The following TTN variants were observed in gnomAD, a reference collection of about 807,000 sequenced individuals.
TTN encodes the protein connectin.
In TTN, 1,525 loss-of-function variants were observed where a neutral mutation model predicts 3,223.0. The observed-to-expected ratio is 0.47, with a 90% confidence interval of 0.45 to 0.49. The LOEUF (loss-of-function observed/expected upper bound fraction) is 0.49. Among genes scored for constraint, TTN ranks in the 20% least tolerant of loss-of-function variants. TTN has a pLI of 0.00. For synonymous variants in TTN, 14,094 were observed against 15,161.0 expected, an observed-to-expected ratio of 0.93 and a Z score of 5.17; for missense variants, 40,786 against 43,424.0, an observed-to-expected ratio of 0.94 and a Z score of 5.40.
At chr2:178,762,972 G>A (rs2089601419) in intron 43 of TTN, among the ~76,000 whole-genome samples, 1 of 152,076 alleles carries the variant, frequency 6.6e-6, no homozygotes, top group South Asian at 2.1e-4. Flanking sequence ...GAAATAATTG[G>A]GTCAGAAGAC....
At chr2:178,664,788 T>C in intron 166 of TTN, 51 bp from the exon 167 acceptor site, 1 of 1,610,226 alleles carries the variant, frequency 6.2e-7, no homozygotes, top group Non-Finnish European at 8.5e-7. Context: ...TAACTAGGAA[T>C]AGCAAAAATA....
chr2:178,722,630 A>C (rs1408470700), intron 76 of TTN, 29 bp downstream of exon 76: 21 of 1,592,874 alleles, frequency 1.3e-5, no homozygotes, highest in Non-Finnish European at 1.8e-5. Context: ...AGGAAAAAAG[A>C]ATTTTTTTAA....
chr2:178,766,357 A>G, intron 41 of TTN, 24 bp downstream of exon 41: 1 of 1,553,964 alleles, frequency 6.4e-7, no homozygotes, highest in Non-Finnish European at 8.9e-7. Context: ...TCCACAAAAT[A>G]TGCTGAAATC....
chr2:178,696,127 T>G lies in TTN; in HGVS notation c.30945A>C (p.Glu10315Asp). ...GTTCGTCATAAGGTTCTTCGAAAGATTCAATGAAGACTCTCTTCTCCTTGT... is the reference window on the plus strand; with the variant it reads ...GTTCGTCATAAGGTTCTTCGAAAGAGTCAATGAAGACTCTCTTCTCCTTGT... ...AVHKEKRVFI[E>D]SFEEPYDELE... The change falls in exon 114 of 363, where the codon GAA becomes GAC. Residue 10315 changes from glutamate (E) to aspartate (D), a missense_variant. By Grantham distance (45) the Glu-to-Asp change is conservative. Coordinates refer to ENST00000589042, the MANE Select transcript of TTN (RefSeq NM_001267550.2). The G allele has an allele frequency of 2.6e-6, 4 of 1,552,246 alleles. No homozygotes were observed. Among genetic ancestry groups the G allele is most frequent in the South Asian group, 1.2e-5 (1 of 84,182 alleles).
intron 131 of TTN, 122 bp downstream of exon 131, chr2:178,684,544 T>C: frequency 7.4e-7 from 1 of 1,342,326 alleles, no homozygotes; most frequent in Non-Finnish European, 1.0e-6. Context: ...CAAGTAATAC[T>C]CTACCCAAAG....
In TTN at chr2:178,582,339, G is replaced by C; in HGVS notation, c.66117C>G (p.Gly22039=). The C allele has an allele frequency of 6.2e-7, 1 of 1,607,214 alleles. No homozygotes were observed. Among genetic ancestry groups the C allele is most frequent in the Non-Finnish European group, 8.5e-7 (1 of 1,176,190 alleles). ...RICAENKYGV[G]DPVFTEPAIA... ...TTGCTGGTTCAGTGAAGACTGGATC[G>C]CCTACTCCATATTTATTTTCAGCAC... The change falls in exon 314 of 363, where the codon GGC becomes GGG. Residue 22039 remains glycine (G), a synonymous_variant. Transcript: ENST00000589042.
In TTN at chr2:178,657,545, T is replaced by C. The variant is rs748525107; in HGVS notation, c.37991A>G (p.Lys12664Arg). 3.8e-6 allele frequency: 6 copies of C among 1,580,224 alleles called. No homozygotes were observed. The South Asian group carries it at 7.0e-5, about 19-fold the overall frequency. Residue 12664 changes from lysine to arginine, a missense_variant, in exon 189 of 363, where the codon AAA becomes AGA. Lys to Arg is a conservative substitution (Grantham distance 26). Coordinates refer to ENST00000589042, the MANE Select transcript of TTN (RefSeq NM_001267550.2). Reference protein sequence around the residue: ...EAPKEVVLEKKVPSTPPKKPE... With the variant: ...EAPKEVVLEKRVPSTPPKKPE... ...CTTTTTAGGAGGAGTCGAGGGCACTTTCTTTTCAAGGACAACTTCTTTGGG... is the reference window on the plus strand; with the variant it reads ...CTTTTTAGGAGGAGTCGAGGGCACTCTCTTTTCAAGGACAACTTCTTTGGG...
chr2:178,594,487 T>A lies in TTN; in HGVS notation c.58007A>T (p.Asn19336Ile), dbSNP rs371851242. 5.8e-5 allele frequency: 94 copies of A among 1,613,274 alleles called. No homozygotes were observed. Among genetic ancestry groups the A allele is most frequent in the Admixed American group, 1.3e-4 (8 of 59,942 alleles). Reference protein sequence around the residue: ...IGTEKFHKVTNDNLLSRKYTV... With the variant: ...IGTEKFHKVTIDNLLSRKYTV... ...GTATTTTCTGCTAAGCAAGTTGTCA[T>A]TTGTAACTTTGTGGAACTTCTCAGT... is the stretch of plus-strand genomic sequence containing the variant. The change falls in exon 296 of 363, where the codon AAT (asparagine) becomes ATT (isoleucine). Residue 19336 changes from asparagine (N) to isoleucine (I), a missense_variant. Physicochemically the swap from Asn to Ile is moderately radical, Grantham distance 149. Coordinates refer to ENST00000589042, the MANE Select transcript of TTN (RefSeq NM_001267550.2).
In TTN at chr2:178,590,216, T is replaced by C; in HGVS notation, c.61509A>G (p.Arg20503=). The C allele has an allele frequency of 6.2e-7, 1 of 1,603,740 alleles. No individual in the cohort carries two copies. The highest frequency in any genetic ancestry group is 8.5e-7 in the Non-Finnish European group (1 of 1,174,932). Residue 20503 remains arginine (R), a synonymous_variant, in exon 304 of 363, where the codon AGA becomes AGG. Coordinates refer to ENST00000589042, the MANE Select transcript of TTN (RefSeq NM_001267550.2). ...TAGTCCAAGTTATGTCTGGTTCAGG[T>C]CTGCCTTTGACTCGAGCTAGAATGC... ...TIRILARVKG[R]PEPDITWTKE...
At chr2:178,669,776 C>G (rs1261626570) in intron 157 of TTN, 101 bp from the exon 158 acceptor site, 1 of 1,132,414 alleles carries the variant, frequency 8.8e-7, no homozygotes, top group African/African-American at 1.5e-5. Flanking sequence ...CGCCAAAAAC[C>G]CCTCAATTAT....
At chr2:178,699,032 G>T in intron 111 of TTN, 118 bp from the exon 112 acceptor site, 1 of 1,048,448 alleles carries the variant, frequency 9.5e-7, no homozygotes, top group Non-Finnish European at 1.3e-6. Flanking sequence ...GTTGATAGTA[G>T]CGAGATTCTG....
Position 178,541,572 on chromosome 2 carries a change from G to A in TTN, c.97505C>T (p.Pro32502Leu). ...ECRSSIRIPG[P>L]PETLQIFDVS... ...ATCAAATATCTGTAATGTTTCTGGG[G>A]GTCCAGGAATACCTGCAGCAAGACA... The change falls in exon 350 of 363, where the codon CCC becomes CTC. Residue 32502 changes from proline (P) to leucine (L), a missense_variant. Pro to Leu is a moderately conservative substitution (Grantham distance 98). Transcript: ENST00000589042. The A allele has an allele frequency of 1.2e-6, 2 of 1,606,686 alleles. No individual in the cohort carries two copies. Among genetic ancestry groups the A allele is most frequent in the Non-Finnish European group, 1.7e-6 (2 of 1,175,456 alleles).
rs1225108277 is a variant in TTN, at chr2:178,531,718, T to G, written c.104897A>C (p.Gln34966Pro). The G allele has an allele frequency of 1.9e-6, 3 of 1,614,018 alleles. No homozygotes were observed. The highest frequency in any genetic ancestry group is 2.5e-6 in the Non-Finnish European group (3 of 1,179,882). ...TTTAACCTCGGCAGTTGGCTTAGAC[T>G]GAACATTTAAAATAAAACGTGTATT... ...GQNTRFILNV[Q>P]SKPTAEVKWY... Residue 34966 changes from glutamine (Q) to proline (P), a missense_variant, in exon 358 of 363, where the codon CAG becomes CCG. Coordinates refer to ENST00000589042, the MANE Select transcript of TTN (RefSeq NM_001267550.2).
chr2:178,737,600 G>A (rs776717536), intron 49 of TTN, among the ~76,000 whole-genome samples: 13 of 152,006 alleles, frequency 8.6e-5, no homozygotes, highest in Non-Finnish European at 1.3e-4. Flanking sequence ...GTGCCCAGCC[G>A]TCTTATTTTT....
chr2:178,565,595 C>G lies in TTN; in HGVS notation c.80537G>C (p.Gly26846Ala). The change falls in exon 326 of 363, where the codon GGA becomes GCA. Residue 26846 changes from glycine to alanine, a missense_variant. Physicochemically the swap from Gly to Ala is moderately conservative, Grantham distance 60 (BLOSUM62 0). Transcript: ENST00000589042. ...CTTGACACGGAACTGATATTCTTGT[C>G]CAGAACTCAAACCAGTAACAACTGC... is the stretch of plus-strand genomic sequence containing the variant. ...CNAVVTGLSSGQEYQFRVKAY... is the reference protein window; with the variant it reads ...CNAVVTGLSSAQEYQFRVKAY... The G allele has an allele frequency of 1.9e-6, 3 of 1,613,616 alleles. No homozygotes were observed. The highest frequency in any genetic ancestry group is 2.5e-6 in the Non-Finnish European group (3 of 1,179,644).
At position 178,654,282 on chromosome 2, in the gene TTN, G is replaced by A. The variant is rs748575747; in HGVS notation, c.38306C>T (p.Ala12769Val). Residue 12769 changes from alanine to valine, a missense_variant, in exon 193 of 363, where the codon GCT (alanine) becomes GTT (valine). Coordinates refer to ENST00000589042, the MANE Select transcript of TTN (RefSeq NM_001267550.2). Reference protein sequence around the residue: ...PEAPPPKVPEAPKEVVLEKKV... With the variant: ...PEAPPPKVPEVPKEVVLEKKV... ...CTTTTCAAGTACAACTTCTTTAGGAGCTTCAGGAACTTTGAAGATATTAGT... is the reference window on the plus strand; with the variant it reads ...CTTTTCAAGTACAACTTCTTTAGGAACTTCAGGAACTTTGAAGATATTAGT... 5 of 1,598,312 alleles carry A rather than the reference G, an allele frequency of 3.1e-6. No homozygotes were observed. Among genetic ancestry groups the A allele is most frequent in the Admixed American group, 1.8e-5 (1 of 56,778 alleles).
rs931963044 is a variant in TTN, at chr2:178,790,125, C to A, written c.1801-10G>T. The A allele has an allele frequency of 2.5e-6, 4 of 1,609,530 alleles. No homozygotes were observed. In the African/African-American group the frequency reaches 5.4e-5, roughly 22 times the overall value. On this transcript the variant is annotated splice_polypyrimidine_tract_variant and intron_variant, in intron 11 of 362. Coordinates refer to ENST00000589042, the MANE Select transcript of TTN (RefSeq NM_001267550.2). ...TAGTTTCCTTCATTATCTGATCATA[C>A]AAAAGAAAGTAAGAAAATAGTCATT...
chr2:178,770,487 A>G lies in TTN; in HGVS notation c.8305T>C (p.Cys2769Arg). 6.2e-7 allele frequency: 1 copy of G among 1,614,178 alleles called. No individual in the cohort carries two copies. Among genetic ancestry groups the G allele is most frequent in the Non-Finnish European group, 8.5e-7 (1 of 1,180,014 alleles). Residue 2769 changes from cysteine (C) to arginine (R), a missense_variant, in exon 35 of 363, where the codon TGT (cysteine) becomes CGT (arginine). Coordinates refer to ENST00000589042, the MANE Select transcript of TTN (RefSeq NM_001267550.2). ...GTIYSLRIKNCAIVDESVYGF... is the reference protein window; with the variant it reads ...GTIYSLRIKNRAIVDESVYGF... ...TAAACAGACTCATCCACGATGGCAC[A>G]GTTTTTAATCCTCAGAGAGTAAATT...
chr2:178,770,904 G>T, intron 34 of TTN: 1 of 803,908 alleles, frequency 1.2e-6, no homozygotes, highest in South Asian at 1.4e-5. Context: ...GTAGTATGAA[G>T]TTTGCATAGC....
Sources: allele counts gnomAD v4.1 joint callset (sites outside exome capture counted in the v4.1 genomes callset), GRCh38; gene constraint gnomAD v4.1.1; transcripts MANE v1.5; gene names NCBI Gene and HGNC (gene_info 2026-07-23, HGNC 2026-07-21).